SLC39A12: variants seen among roughly 807,000 people sequenced by gnomAD.
SLC39A12 encodes the protein solute carrier family 39 member 12, also known as zinc transporter ZIP12.
SLC39A12 carries 63 observed loss-of-function variants against 71.1 expected under a neutral mutation model. The ratio of observed to expected loss-of-function variants is 0.89; its 90% confidence interval spans 0.72 to 1.09. The LOEUF (loss-of-function observed/expected upper bound fraction) is 1.09, where lower values mean the gene tolerates loss of function less well. SLC39A12 is among the 50% of genes least tolerant of loss of function. The pLI, the probability that SLC39A12 is intolerant of heterozygous loss-of-function variation, is 0.00. For synonymous variants in SLC39A12, 351 were observed against 301.3 expected, an observed-to-expected ratio of 1.16 and a Z score of -1.71; for missense variants, 892 against 812.6, an observed-to-expected ratio of 1.10 and a Z score of -1.19.
intron 6 of SLC39A12, among the ~76,000 whole-genome samples, chr10:17,981,879 A>G (rs903320795): frequency 1.1e-4 from 16 of 152,236 alleles, no homozygotes; most frequent in African/African-American, 3.9e-4. Flanking sequence ...ATAAAAGGCC[A>G]TAGCTGAGAG....
chr10:18,014,740 C>G (rs1231848175), intron 12 of SLC39A12, among the ~76,000 whole-genome samples: 2 of 152,072 alleles, frequency 1.3e-5, no homozygotes, highest in Non-Finnish European at 2.9e-5. Context: ...GAATTTTTTT[C>G]TTGTTCACTA....
At chr10:18,006,306 G>A (rs1463827291) in intron 12 of SLC39A12, among the ~76,000 whole-genome samples, 3 of 152,162 alleles carry the variant, frequency 2.0e-5, no homozygotes, top group Admixed American at 2.0e-4. Flanking sequence ...GTCCTTTCTG[G>A]GGAAAAGTGC....
intron 12 of SLC39A12, among the ~76,000 whole-genome samples, chr10:18,020,265 C>T (rs930782764): frequency 1.3e-5 from 2 of 152,022 alleles, no homozygotes; most frequent in Non-Finnish European, 2.9e-5. Context: ...TAACGGCCAC[C>T]AGTTTCATCC....
At chr10:17,991,096 T>C in intron 7 of SLC39A12, 55 bp from the exon 8 acceptor site, 2 of 1,505,894 alleles carry the variant, frequency 1.3e-6, no homozygotes, top group African/African-American at 1.4e-5. Context: ...AGTTAAGTCA[T>C]CAAGACTTAT....
chr10:17,977,860 TATCTA>T (rs747047245), intron 4 of SLC39A12, 37 bp from the exon 5 acceptor site: 27 of 1,460,572 alleles, frequency 1.8e-5, no homozygotes, highest in Non-Finnish European at 2.5e-5. Context: ...ATTCGGAACT[TATCTA>T]TTCTATGTGA....
At chr10:17,993,338 C>A (rs1351869019) in intron 9 of SLC39A12, 47 bp downstream of exon 9, 1 of 1,226,708 alleles carries the variant, frequency 8.2e-7, no homozygotes, top group Non-Finnish European at 1.2e-6. Context: ...TACCTTCTCT[C>A]CTTTATTCCT....
At chr10:18,011,940 C>A (rs2130862219) in intron 12 of SLC39A12, among the ~76,000 whole-genome samples, 1 of 152,274 alleles carries the variant, frequency 6.6e-6, no homozygotes, top group South Asian at 2.1e-4. Context: ...TTTAAAACAA[C>A]CTTGAGAATA....
At chr10:17,991,060 A>G in intron 7 of SLC39A12, 91 bp from the exon 8 acceptor site, 2 of 1,221,242 alleles carry the variant, frequency 1.6e-6, no homozygotes, top group Non-Finnish European at 2.2e-6. Flanking sequence ...AATTAAATAT[A>G]TTCAACACTG....
At chr10:17,977,774 C>A in intron 4 of SLC39A12, 128 bp from the exon 5 acceptor site, 1 of 669,836 alleles carries the variant, frequency 1.5e-6, no homozygotes, top group Non-Finnish European at 2.3e-6. Context: ...TCCATTCTGT[C>A]ATCTCTAGGG....
intron 6 of SLC39A12, among the ~76,000 whole-genome samples, chr10:17,986,157 T>C (rs74934353): frequency 1.4e-4 from 22 of 152,182 alleles, no homozygotes; most frequent in Admixed American, 1.2e-3. Context: ...GCTTAAGATA[T>C]GATTAAAGGG....
intron 7 of SLC39A12, 126 bp downstream of exon 7, chr10:17,987,777 T>C: frequency 1.0e-6 from 1 of 971,746 alleles, no homozygotes; most frequent in Non-Finnish European, 1.5e-6. Context: ...GTGTTTTCCT[T>C]AAAAAGAAAT....
intron 12 of SLC39A12, among the ~76,000 whole-genome samples, chr10:18,015,715 G>C (rs1836358692): frequency 6.6e-6 from 1 of 151,878 alleles, no homozygotes; most frequent in African/African-American, 2.4e-5. Flanking sequence ...TAATCATGAT[G>C]ATTCTTCTCA....
chr10:18,015,985 A>G (rs1028922227), intron 12 of SLC39A12, among the ~76,000 whole-genome samples: 1 of 152,110 alleles, frequency 6.6e-6, no homozygotes, highest in Non-Finnish European at 1.5e-5. Context: ...CCACCCCGCT[A>G]TTGACATCCT....
chr10:18,041,535 TAC>T (rs56222977), intron 12 of SLC39A12, among the ~76,000 whole-genome samples: 79,430 of 120,514 alleles, frequency 0.66, 27,917 homozygotes, highest in Non-Finnish European at 0.69. Flanking sequence ...TGTATATATA[TAC>T]ACACACACAC....
chr10:17,954,662 GAAAAA>G (rs1182050561), intron 2 of SLC39A12, among the ~76,000 whole-genome samples: 1 of 151,846 alleles, frequency 6.6e-6, no homozygotes, highest in East Asian at 1.9e-4. Flanking sequence ...GACTACAAAA[GAAAAA>G]ATAAAACCTA....
intron 7 of SLC39A12, among the ~76,000 whole-genome samples, chr10:17,989,051 C>G (rs1003008664): frequency 6.6e-5 from 10 of 152,200 alleles, no homozygotes; most frequent in African/African-American, 2.4e-4. Context: ...CACCAGGAGG[C>G]TGCCTCCTGT....
chr10:18,042,760 A>G lies in SLC39A12; in HGVS notation c.2003A>G (p.Gln668Arg), dbSNP rs1225912589. 1 of 1,613,586 alleles carries G rather than the reference A, an allele frequency of 6.2e-7. No individual in the cohort carries two copies. The highest frequency in any genetic ancestry group is 8.5e-7 in the Non-Finnish European group (1 of 1,179,810). ...CGACCCTGGATGATGTTTCTCCTGCAAAACTTTGGATTGATCCTAGGTTGG... is the reference window on the plus strand; with the variant it reads ...CGACCCTGGATGATGTTTCTCCTGCGAAACTTTGGATTGATCCTAGGTTGG... ...TQRPWMMFLL[Q>R]NFGLILGWLS... is the part of the protein sequence containing the mutation. Residue 668 changes from glutamine to arginine, a missense_variant, in exon 13 of 13, where the codon CAA (glutamine) becomes CGA (arginine). Physicochemically the swap from Gln to Arg is conservative, Grantham distance 43. Transcript: ENST00000377369.
At chr10:17,980,720 C>CTG (rs992095280) in intron 5 of SLC39A12, among the ~76,000 whole-genome samples, 3 of 152,038 alleles carry the variant, frequency 2.0e-5, no homozygotes, top group Admixed American at 6.6e-5. Flanking sequence ...ATGTTTTCAA[C>CTG]TGTGTGTGTG....
intron 2 of SLC39A12, among the ~76,000 whole-genome samples, chr10:17,955,391 C>G (rs1007283012): frequency 6.6e-6 from 1 of 152,152 alleles, no homozygotes; most frequent in African/African-American, 2.4e-5. Flanking sequence ...CAGAAGGCTT[C>G]AGTTCACCCC....
Sources: gnomAD v4.1 joint callset for allele counts (sites outside exome capture counted in the v4.1 genomes callset) on GRCh38, gnomAD v4.1.1 for gene constraint, MANE v1.5 for transcripts, NCBI Gene and HGNC (gene_info 2026-07-23, HGNC 2026-07-21) for gene names.